Variants in PRKAA1 observed in about 807,000 individuals in gnomAD.
PRKAA1 encodes the protein 5'-AMP-activated protein kinase catalytic subunit alpha-1.
A neutral mutation model predicts 56.9 loss-of-function variants in PRKAA1; 23 were observed. That is an observed-to-expected ratio of 0.40 (90% CI 0.29 to 0.57). The LOEUF is 0.57. Ranked by LOEUF, PRKAA1 falls within the 20% of genes least tolerant of loss-of-function variation. PRKAA1 has a pLI of 0.39. For missense variants in PRKAA1, 413 were observed against 679.7 expected (o/e 0.61, Z 4.36); for synonymous variants, 226 against 227.0 (o/e 1.00, Z 0.04).
intron 1 of PRKAA1, among the ~76,000 whole-genome samples, chr5:40,781,974 T>C (rs1283241147): frequency 6.6e-6 from 1 of 152,196 alleles, no homozygotes; most frequent in Non-Finnish European, 1.5e-5. Flanking sequence ...AGGAAGTATC[T>C]TTTTTCTTAG....
chr5:40,787,544 C>T (rs1468805267), intron 1 of PRKAA1, among the ~76,000 whole-genome samples: 2 of 151,780 alleles, frequency 1.3e-5, no homozygotes, highest in Non-Finnish European at 2.9e-5. Flanking sequence ...AAATGTATAT[C>T]GTGACATCAT....
intron 1 of PRKAA1, among the ~76,000 whole-genome samples, chr5:40,789,499 A>G (rs942790016): frequency 6.6e-6 from 1 of 152,190 alleles, no homozygotes; most frequent in East Asian, 1.9e-4. Flanking sequence ...CAGCAATCCC[A>G]TTACTGAGTA....
chr5:40,763,609 G>T (rs1310506335), intron 8 of PRKAA1, among the ~76,000 whole-genome samples: 2 of 152,116 alleles, frequency 1.3e-5, no homozygotes, highest in Non-Finnish European at 2.9e-5. Context: ...AAAAACTAAG[G>T]TTGGGAACAC....
At chr5:40,764,309 A>C (rs560318941) in intron 8 of PRKAA1, 12 of 464,448 alleles carry the variant, frequency 2.6e-5, no homozygotes, top group Middle Eastern at 6.0e-4. Flanking sequence ...ACAAGATGAT[A>C]ATCTTAAAAG....
At chr5:40,771,550 C>T (rs2112013880) in intron 4 of PRKAA1, among the ~76,000 whole-genome samples, 169 bp downstream of exon 4, 1 of 152,236 alleles carries the variant, frequency 6.6e-6, no homozygotes, top group Non-Finnish European at 1.5e-5. Flanking sequence ...AAGATGATTT[C>T]TTAGCTTTTC....
chr5:40,794,399 C>G (rs1042397860), intron 1 of PRKAA1, among the ~76,000 whole-genome samples: 5 of 152,124 alleles, frequency 3.3e-5, no homozygotes, highest in African/African-American at 1.2e-4. Flanking sequence ...AGTACTTTTT[C>G]AGATGTATTG....
rs144174558 is a variant in PRKAA1, at chr5:40,764,739, A to G, written c.1308+13T>C. On this transcript the variant is annotated intron_variant, in intron 7 of 8. Transcript: ENST00000397128. ...CAAATATGCTAATAATCAAAATGTT[A>G]TTTCTTTCTTACCTTCCATTCATAA... is the stretch of plus-strand genomic sequence containing the variant. The G allele has an allele frequency of 4.4e-6, 7 of 1,605,078 alleles. No individual in the cohort carries two copies. The African/African-American group carries it at 5.4e-5, about 12-fold the overall frequency.
Position 40,762,684 on chromosome 5 carries a change from A to G in PRKAA1, c.*94T>C. 5.4e-6 allele frequency: 8 copies of G among 1,493,856 alleles called. No individual in the cohort carries two copies. In the South Asian group the frequency reaches 7.6e-5, roughly 14 times the overall value. 92.5% of individuals were successfully genotyped at this position (1,493,856 alleles called of 1,614,324 possible). ...CATTCCAAAACGCCAGCCCTCGGTT[A>G]TAATTATGTATAACTTGATTACAAA... On this transcript the variant is annotated 3_prime_UTR_variant, in exon 9 of 9. Transcript: ENST00000397128.
Position 40,762,712 on chromosome 5 carries a change from G to A in PRKAA1, c.*66C>T, listed in dbSNP as rs540568879. On this transcript the variant is annotated 3_prime_UTR_variant, in exon 9 of 9. Coordinates refer to ENST00000397128, the MANE Select transcript of PRKAA1 (RefSeq NM_006251.6). ...ATTATGTATAACTTGATTACAAATG[G>A]AAGCATTTGGCTGTGACTTATTATG... 2.5e-6 allele frequency: 4 copies of A among 1,572,854 alleles called. No individual in the cohort carries two copies. The African/African-American group carries it at 5.4e-5, about 21-fold the overall frequency.
chr5:40,776,207 A>G (rs1043311446), intron 2 of PRKAA1, among the ~76,000 whole-genome samples: 1 of 152,236 alleles, frequency 6.6e-6, no homozygotes, highest in Non-Finnish European at 1.5e-5. Context: ...AGAAGCAATC[A>G]AATCCTAGCT....
At chr5:40,778,649 A>T (rs1744126305) in intron 1 of PRKAA1, among the ~76,000 whole-genome samples, 1 of 152,074 alleles carries the variant, frequency 6.6e-6, no homozygotes, top group Admixed American at 6.6e-5. Context: ...TCATCCCAAA[A>T]GACTCTCTCA....
chr5:40,764,942 T>C lies in PRKAA1; in HGVS notation c.1118A>G (p.Glu373Gly). The C allele has an allele frequency of 6.2e-7, 1 of 1,614,180 alleles. No homozygotes were observed. The highest frequency in any genetic ancestry group is 2.2e-5 in the East Asian group (1 of 44,884). Residue 373 changes from glutamate to glycine, a missense_variant, in exon 7 of 9, where the codon GAA (glutamate) becomes GGA (glycine). This residue lies in a region of PRKAA1 where 50 missense variants were observed against 87.7 expected (regional missense o/e 0.57). Transcript: ENST00000397128. ...TTCAGCAACCAAGAATGGTACTCTT[T>C]CAGGATGGGGCCGAGTCAGGTGATG... is the stretch of plus-strand genomic sequence containing the variant. ...DDHHLTRPHP[E>G]RVPFLVAETP...
At chr5:40,779,919 T>C (rs571725774) in intron 1 of PRKAA1, among the ~76,000 whole-genome samples, 212 of 151,432 alleles carry the variant, frequency 1.4e-3, no homozygotes, top group African/African-American at 4.9e-3. Context: ...TAAAATGAAT[T>C]AGAATTCTCT....
intron 4 of PRKAA1, 41 bp from the exon 5 acceptor site, chr5:40,769,544 A>T: frequency 6.9e-7 from 1 of 1,446,596 alleles, no homozygotes; most frequent in Non-Finnish European, 9.5e-7. Context: ...GATTTCCCAA[A>T]GACAAAAATT....
intron 6 of PRKAA1, among the ~76,000 whole-genome samples, chr5:40,765,645 A>G (rs2111983779): frequency 6.6e-6 from 1 of 152,340 alleles, no homozygotes; most frequent in East Asian, 1.9e-4. Flanking sequence ...AGTACTTACT[A>G]TATGCTAAGT....
Position 40,774,684 on chromosome 5 carries a change from T to C in PRKAA1, c.363+726A>G, listed in dbSNP as rs143516222. Among the ~76,000 whole-genome samples, 16 of 150,632 alleles carry C rather than the reference T, an allele frequency of 1.1e-4. No individual in the cohort carries two copies. The East Asian group carries it at 3.1e-3, about 30-fold the overall frequency. ...TAAGTTTGATTTTGATAAAAGTAAA[T>C]AGACATGCTATATAGAACAAATGAA... On this transcript the variant is annotated intron_variant, in intron 3 of 8. Transcript: ENST00000397128.
Position 40,765,241 on chromosome 5 carries a change from G to T in PRKAA1, c.822-3C>A. On this transcript the variant is annotated splice_region_variant and splice_polypyrimidine_tract_variant and intron_variant, in intron 6 of 8. Transcript: ENST00000397128. ...CCTGTTTAAACCATTCATGTTCCCT[G>T]AGAGAAAAATGGCAGGATCAGGAGA... 1 of 1,598,870 alleles carries T rather than the reference G, an allele frequency of 6.3e-7. No homozygotes were observed. Among genetic ancestry groups the T allele is most frequent in the South Asian group, 1.1e-5 (1 of 88,502 alleles).
chr5:40,795,730 A>G lies in PRKAA1; in HGVS notation c.127+2333T>C, dbSNP rs1744898168. On this transcript the variant is annotated intron_variant, in intron 1 of 8. Coordinates refer to ENST00000397128, the MANE Select transcript of PRKAA1 (RefSeq NM_006251.6). Reference sequence around the variant, plus strand: ...CCAACTGTTAACTTAAAAAATGAACAGGTTAAAGATTCTGATCAACATCAA... The same window carrying G: ...CCAACTGTTAACTTAAAAAATGAACGGGTTAAAGATTCTGATCAACATCAA... Among the ~76,000 whole-genome samples the G allele has an allele frequency of 2.0e-5, 3 of 152,392 alleles. No individual in the cohort carries two copies. The South Asian group carries it at 6.2e-4, about 32-fold the overall frequency.
chr5:40,779,911 AAATG>A (rs140960107), intron 1 of PRKAA1, among the ~76,000 whole-genome samples: 35,190 of 152,030 alleles, frequency 0.23, 4,645 homozygotes, highest in Admixed American at 0.38. Context: ...AAAGTGCATA[AAATG>A]AATTAGAATT....
Sources: gnomAD v4.1 joint callset for allele counts (sites outside exome capture counted in the v4.1 genomes callset) on GRCh38, gnomAD v4.1.1 for gene constraint, gnomAD v4.1.1 regional missense constraint, MANE v1.5 for transcripts, NCBI Gene and HGNC (gene_info 2026-07-23, HGNC 2026-07-21) for gene names.